ADGRA2: variants seen among roughly 807,000 people sequenced by gnomAD.
The protein encoded by ADGRA2 is adhesion G protein-coupled receptor A2.
Under a neutral mutation model 98.7 loss-of-function variants are expected in ADGRA2, and 61 were observed. The ratio of observed to expected loss-of-function variants is 0.62; its 90% CI spans 0.50 to 0.76. The LOEUF is 0.76. Among genes scored for constraint, ADGRA2 ranks in the 30% least tolerant of loss-of-function variants. ADGRA2 has a pLI of 0.00. For synonymous variants in ADGRA2, 858 were observed against 831.5 expected, an observed-to-expected ratio of 1.03 and a Z score of -0.55; for missense variants, 1,712 against 1,860.0, an observed-to-expected ratio of 0.92 and a Z score of 1.46.
intron 2 of ADGRA2, 133 bp downstream of exon 2, chr8:37,815,100 C>T: frequency 1.5e-6 from 1 of 681,744 alleles, no homozygotes; most frequent in Non-Finnish European, 2.6e-6. Flanking sequence ...GGAGTTAGAC[C>T]CACTGGGACC....
intron 2 of ADGRA2, among the ~76,000 whole-genome samples, chr8:37,815,525 G>A (rs919899003): frequency 6.6e-5 from 10 of 152,216 alleles, no homozygotes; most frequent in East Asian, 1.9e-4. Flanking sequence ...AGGTCTGGGC[G>A]TTCCCCGCTA....
Position 37,841,953 on chromosome 8 carries a change from C to T in ADGRA2, c.3615C>T (p.Arg1205=). 1 of 1,504,300 alleles carries T rather than the reference C, an allele frequency of 6.6e-7. No homozygotes were observed. The highest frequency in any genetic ancestry group is 1.2e-5 in the South Asian group (1 of 80,136). The allele number at this position is 1,504,300 out of a possible 1,614,324, so 93.2% of individuals were successfully genotyped here. The part of the protein sequence containing the change: ...ACGKNRLKAL[R]GGAAGALELL... ...GCAAGAACCGGCTCAAGGCCCTGCGCGGGGGCGCGGCGGGGGCGCTGGAGC... is the reference window on the plus strand; with the variant it reads ...GCAAGAACCGGCTCAAGGCCCTGCGTGGGGGCGCGGCGGGGGCGCTGGAGC... The change falls in exon 19 of 19, where the codon CGC becomes CGT. Residue 1205 remains arginine (R), a synonymous_variant. Coordinates refer to ENST00000412232, the MANE Select transcript of ADGRA2 (RefSeq NM_032777.10). This position sits in a 1 kb window ranked among gnomAD's most constrained non-coding sequence, Gnocchi z 5.0.
Position 37,802,054 on chromosome 8 carries a change from C to T in ADGRA2, c.266+4520C>T, listed in dbSNP as rs1804524297. 6.6e-6 allele frequency among the ~76,000 whole-genome samples: 1 copy of T among 152,216 alleles called. No homozygotes were observed. The highest frequency in any genetic ancestry group is 2.1e-4 in the South Asian group (1 of 4,838). On this transcript the variant is annotated intron_variant, in intron 1 of 18. Coordinates refer to ENST00000412232, the MANE Select transcript of ADGRA2 (RefSeq NM_032777.10). The surrounding 1 kb of genome is among the most constrained non-coding windows in gnomAD (Gnocchi z 4.7). ...CACCTAGGGGAGAAGAGGCTGTCTG[C>T]CGCAGGTGTGCCTAGCACGGGCTGG...
chr8:37,816,937 CA>C (rs1804998757), intron 2 of ADGRA2, among the ~76,000 whole-genome samples: 1 of 71,146 alleles, frequency 1.4e-5, no homozygotes, highest in Non-Finnish European at 3.0e-5. Flanking sequence ...AACACACACA[CA>C]CACACACACA....
chr8:37,838,026 A>G, intron 14 of ADGRA2, 87 bp downstream of exon 14: 1 of 1,112,080 alleles, frequency 9.0e-7, no homozygotes. Context: ...ACCATTTGGG[A>G]CCATGGAGAA....
At chr8:37,832,966 C>G (rs1242637219) in intron 8 of ADGRA2, 44 bp from the exon 9 acceptor site, 13 of 1,488,140 alleles carry the variant, frequency 8.7e-6, no homozygotes, top group Non-Finnish European at 1.2e-5. Context: ...GGCTGTTGTT[C>G]TGAGAAGCCC....
intron 2 of ADGRA2, among the ~76,000 whole-genome samples, chr8:37,828,351 G>T (rs1016918109): frequency 1.3e-5 from 2 of 152,094 alleles, no homozygotes; most frequent in Non-Finnish European, 2.9e-5. Context: ...TTCCAATCCA[G>T]GACGCTCTCC....
chr8:37,806,982 C>G (rs1804689391), intron 1 of ADGRA2, among the ~76,000 whole-genome samples: 1 of 152,180 alleles, frequency 6.6e-6, no homozygotes, highest in Non-Finnish European at 1.5e-5. Context: ...GAGACTAGAC[C>G]TATGAGAGAA....
chr8:37,816,495 G>A (rs1014419521), intron 2 of ADGRA2, among the ~76,000 whole-genome samples: 1 of 150,586 alleles, frequency 6.6e-6, no homozygotes, highest in Non-Finnish European at 1.5e-5. Flanking sequence ...CGGGGGCTGA[G>A]GCACCAGAAT....
intron 2 of ADGRA2, among the ~76,000 whole-genome samples, chr8:37,824,468 G>C (rs987052418): frequency 1.5e-4 from 22 of 148,874 alleles, no homozygotes; most frequent in Non-Finnish European, 2.7e-4. Context: ...TCACTTTCTT[G>C]ATGGTATCCT....
rs753330025 is a variant in ADGRA2, at chr8:37,797,546, AC to A, written c.266+14del. 166 of 1,350,106 alleles carry A rather than the reference AC, an allele frequency of 1.2e-4. No individual in the cohort carries two copies. Among genetic ancestry groups the A allele is most frequent in the Non-Finnish European group, 1.5e-4 (158 of 1,044,370 alleles). The allele number at this position is 1,350,106 out of a possible 1,614,324, so 83.6% of individuals were successfully genotyped here. On this transcript the variant is annotated intron_variant, in intron 1 of 18. Transcript: ENST00000412232. The surrounding 1 kb of genome is among the most constrained non-coding windows in gnomAD (Gnocchi z 5.3). The stretch of plus-strand genomic sequence containing the variant: ...GGCACCGTTACCCTGTGAGTACCCT[AC>A]CAGGCCAGTTCCGTCCGAGCCGGGA...
At chr8:37,801,448 C>T (rs1804501541) in intron 1 of ADGRA2, among the ~76,000 whole-genome samples, 1 of 152,164 alleles carries the variant, frequency 6.6e-6, no homozygotes, top group African/African-American at 2.4e-5. Context: ...GAGGAAGGTG[C>T]AGACCACTGT....
rs1333157452 is a variant in ADGRA2 at position 37,833,090 on chromosome 8, G to A, written c.1178G>A (p.Gly393Asp). Residue 393 changes from glycine to aspartate, a missense_variant, in exon 9 of 19, where the codon GGT (glycine) becomes GAT (aspartate). Physicochemically the swap from Gly to Asp is moderately conservative, Grantham distance 94 (BLOSUM62 -1). Transcript: ENST00000412232. ...TTCACCTCAGTGCCCCTGGGCGGGG[G>A]TGCCCCGGGCACCCGAGCCTCCCGC... ...YPFTSVPLGG[G>D]APGTRASRRC... 1.9e-6 allele frequency: 3 copies of A among 1,612,180 alleles called. No homozygotes were observed. Among genetic ancestry groups the A allele is most frequent in the Non-Finnish European group, 8.5e-7 (1 of 1,179,608 alleles).
At position 37,834,186 on chromosome 8, in the gene ADGRA2, C is replaced by T. The variant is rs1805543674; in HGVS notation, c.1608+58C>T. The T allele has an allele frequency of 6.8e-7, 1 of 1,468,304 alleles. No homozygotes were observed. The highest frequency in any genetic ancestry group is 9.3e-7 in the Non-Finnish European group (1 of 1,079,144). The allele number at this position is 1,468,304 out of a possible 1,614,324, so 91.0% of individuals were successfully genotyped here. A position where few individuals can be genotyped will look rare whatever the true frequency, so the allele number is the denominator to read the frequency against. Reference sequence around the variant, plus strand: ...CATGCAGAGGAGGGAGGCGCTCCCTCTCAGGCGTGCACCTGCCGTGCCCCA... The same window carrying T: ...CATGCAGAGGAGGGAGGCGCTCCCTTTCAGGCGTGCACCTGCCGTGCCCCA... On this transcript the variant is annotated intron_variant, in intron 11 of 18. Coordinates refer to ENST00000412232, the MANE Select transcript of ADGRA2 (RefSeq NM_032777.10). This position sits in a 1 kb window ranked among gnomAD's most constrained non-coding sequence, Gnocchi z 4.2.
intron 2 of ADGRA2, among the ~76,000 whole-genome samples, chr8:37,822,250 G>T (rs1805147093): frequency 6.6e-6 from 1 of 152,122 alleles, no homozygotes; most frequent in African/African-American, 2.4e-5. Context: ...GTGAACCCTG[G>T]AAGTCTTGTA....
At chr8:37,839,944 A>G (rs1805740368) in intron 16 of ADGRA2, among the ~76,000 whole-genome samples, 177 bp from the exon 17 acceptor site, 2 of 152,128 alleles carry the variant, frequency 1.3e-5, no homozygotes, top group Admixed American at 1.3e-4. Context: ...CCTGGGGTGA[A>G]GGCAGAGGGT....
At chr8:37,810,260 C>T (rs1374286521) in intron 1 of ADGRA2, among the ~76,000 whole-genome samples, 1 of 151,462 alleles carries the variant, frequency 6.6e-6, no homozygotes, top group African/African-American at 2.4e-5. Context: ...CCTGTAATCC[C>T]AGCACTTTAG....
chr8:37,843,264 G>T lies in ADGRA2; in HGVS notation c.*909G>T, dbSNP rs895731040. ...TTCAGTTACAAGACCCATCTCCCTA[G>T]TCTCAGCCTTACAACACCACGGGAC... On this transcript the variant is annotated 3_prime_UTR_variant, in exon 19 of 19. Coordinates refer to ENST00000412232, the MANE Select transcript of ADGRA2 (RefSeq NM_032777.10). 3 of 152,266 alleles carry T rather than the reference G, an allele frequency of 2.0e-5. No homozygotes were observed. Among genetic ancestry groups the T allele is most frequent in the African/African-American group, 7.2e-5 (3 of 41,446 alleles). The allele number at this position is 152,266 out of a possible 1,614,324, so 9.4% of individuals were successfully genotyped here. A position where few individuals can be genotyped will look rare whatever the true frequency, so the allele number is the denominator to read the frequency against.
intron 2 of ADGRA2, among the ~76,000 whole-genome samples, chr8:37,820,280 C>T (rs940370566): frequency 1.3e-5 from 2 of 152,348 alleles, no homozygotes; most frequent in South Asian, 2.1e-4. Context: ...GGTACTATAG[C>T]CTTTGTCAAG....
Sources: allele counts gnomAD v4.1 joint callset (sites outside exome capture counted in the v4.1 genomes callset), GRCh38; gene constraint gnomAD v4.1.1; non-coding constraint Gnocchi (gnomAD v3.1); transcripts MANE v1.5; gene names NCBI Gene and HGNC (gene_info 2026-07-23, HGNC 2026-07-21).